The following SLCO1B3 variants were observed in gnomAD, a reference collection of about 807,000 sequenced individuals.
SLCO1B3 encodes solute carrier organic anion transporter family member 1B3.
SLCO1B3 carries 72 observed loss-of-function variants against 71.8 expected under a neutral mutation model. The ratio of observed to expected loss-of-function variants is 1.00; its 90% CI spans 0.83 to 1.22. SLCO1B3 has a LOEUF of 1.22. SLCO1B3 is among the 50% of genes most tolerant of loss of function. The pLI is 0.00. For synonymous variants in SLCO1B3, 298 were observed against 278.4 expected (o/e 1.07, Z -0.70); for missense variants, 911 against 819.7 (o/e 1.11, Z -1.36).
At chr12:20,913,317 T>C (rs552126432) in intron 15 of SLCO1B3, among the ~76,000 whole-genome samples, 1 of 152,332 alleles carries the variant, frequency 6.6e-6, no homozygotes, top group African/African-American at 2.4e-5. Flanking sequence ...CAATTATCTA[T>C]GGTGAAATTG....
chr12:20,900,143 G>T (rs548586967), intron 14 of SLCO1B3, among the ~76,000 whole-genome samples: 10 of 151,958 alleles, frequency 6.6e-5, no homozygotes, highest in Admixed American at 1.3e-4. Context: ...TTTTCTAAGG[G>T]TCGCTGTGAT....
chr12:20,841,878 G>C (rs1009207439), intron 3 of SLCO1B3, among the ~76,000 whole-genome samples: 1 of 117,230 alleles, frequency 8.5e-6, no homozygotes, highest in African/African-American at 2.7e-5. Flanking sequence ...TGAATTGTTG[G>C]ATGTAGTTTT....
intron 3 of SLCO1B3, among the ~76,000 whole-genome samples, chr12:20,821,958 T>C (rs1864320578): frequency 6.8e-6 from 1 of 147,560 alleles, no homozygotes; most frequent in African/African-American, 2.6e-5. Flanking sequence ...GAGATTGAAG[T>C]GTGGTGTCAA....
At chr12:20,882,299 T>C (rs1006554004) in intron 12 of SLCO1B3, among the ~76,000 whole-genome samples, 4 of 152,228 alleles carry the variant, frequency 2.6e-5, no homozygotes, top group African/African-American at 7.2e-5. Context: ...TTGGGTTTCA[T>C]TGGCCAATGT....
intron 13 of SLCO1B3, among the ~76,000 whole-genome samples, chr12:20,896,211 T>TCC (rs372899102): frequency 0.7 from 107,166 of 152,108 alleles, 39,991 homozygotes; most frequent in South Asian, 0.89. Context: ...AACATTCAGC[T>TCC]TTCAAATTTC....
intron 11 of SLCO1B3, among the ~76,000 whole-genome samples, chr12:20,880,127 A>C (rs1865661212): frequency 1.6e-5 from 1 of 62,394 alleles, no homozygotes. Flanking sequence ...TACAAAACAA[A>C]TAAAATCTTT....
chr12:20,906,043 C>T (rs1422893190), intron 15 of SLCO1B3, among the ~76,000 whole-genome samples: 2 of 152,142 alleles, frequency 1.3e-5, no homozygotes, highest in Non-Finnish European at 2.9e-5. Flanking sequence ...CTGGTGAGAA[C>T]TCACTATCAT....
At chr12:20,833,009 G>T (rs539070923) in intron 3 of SLCO1B3, among the ~76,000 whole-genome samples, 1 of 152,282 alleles carries the variant, frequency 6.6e-6, no homozygotes, top group African/African-American at 2.4e-5. Flanking sequence ...ACTAAACTCA[G>T]GGGGTTGGCA....
intron 15 of SLCO1B3, among the ~76,000 whole-genome samples, chr12:20,911,390 C>G (rs1034597934): frequency 6.6e-6 from 1 of 152,018 alleles, no homozygotes; most frequent in Non-Finnish European, 1.5e-5. Context: ...TGAGATGTAT[C>G]GCTCTGTAGT....
chr12:20,882,495 C>T (rs571707899), intron 12 of SLCO1B3, among the ~76,000 whole-genome samples: 44 of 152,236 alleles, frequency 2.9e-4, no homozygotes, highest in African/African-American at 1.0e-3. Context: ...CCTCCACCTC[C>T]TGGGTTCAAG....
rs948487055 is a variant in SLCO1B3 at position 20,880,800 on chromosome 12, C to G, written c.1332-55C>G. On this transcript the variant is annotated intron_variant, in intron 11 of 15. Transcript: ENST00000381545. ...TATCCCCTTGTCTCCCTCTTCTGCT[C>G]TTTCTCTACTTCCTCTTTCTCTTTT... 6 of 1,301,070 alleles carry G rather than the reference C, an allele frequency of 4.6e-6. No homozygotes were observed. The African/African-American group carries it at 7.5e-5, about 16-fold the overall frequency. The allele number at this position is 1,301,070 out of a possible 1,614,324, so 80.6% of individuals were successfully genotyped here.
chr12:20,903,092 A>G (rs75550540), intron 15 of SLCO1B3, among the ~76,000 whole-genome samples: 1,656 of 142,450 alleles, frequency 0.012, 29 homozygotes, highest in African/African-American at 0.038. Flanking sequence ...AAAAAAATCA[A>G]TGCAAACATC....
Position 20,813,615 on chromosome 12 carries a change from T to C in SLCO1B3, c.-89T>C, listed in dbSNP as rs1377622513. 6.6e-6 allele frequency: 1 copy of C among 152,188 alleles called. No individual in the cohort carries two copies. Among genetic ancestry groups the C allele is most frequent in the African/African-American group, 2.4e-5 (1 of 41,448 alleles). The allele number at this position is 152,188 out of a possible 1,614,324, so 9.4% of individuals were successfully genotyped here. A position where few individuals can be genotyped will look rare whatever the true frequency, so the allele number is the denominator to read the frequency against. ...CGTTGTTCCCACCTCCTAGAGGGCC[T>C]GACAGAAGAGGTACATATGCTATGT... is the stretch of plus-strand genomic sequence containing the variant. On this transcript the variant is annotated 5_prime_UTR_variant, in exon 2 of 16. Transcript: ENST00000381545.
At chr12:20,851,164 G>C (rs540304759) in intron 3 of SLCO1B3, among the ~76,000 whole-genome samples, 6 of 152,260 alleles carry the variant, frequency 3.9e-5, no homozygotes, top group African/African-American at 1.4e-4. Flanking sequence ...ATCCCAGTTT[G>C]AATTTCTTTG....
intron 5 of SLCO1B3, among the ~76,000 whole-genome samples, chr12:20,860,599 TTGTGTGTG>T (rs34409706): frequency 1.2e-4 from 18 of 146,734 alleles, no homozygotes; most frequent in South Asian, 1.1e-3. Flanking sequence ...GTCAAGCACT[TTGTGTGTG>T]TGTGTGTGTG....
chr12:20,885,041 GCTT>G (rs1190640071), intron 13 of SLCO1B3, among the ~76,000 whole-genome samples: 1 of 151,942 alleles, frequency 6.6e-6, no homozygotes, highest in Admixed American at 6.6e-5. Context: ...ACATGTTTTA[GCTT>G]CTTAATTGAA....
intron 3 of SLCO1B3, among the ~76,000 whole-genome samples, chr12:20,842,496 C>T (rs1219791510): frequency 1.4e-5 from 1 of 72,246 alleles, no homozygotes; most frequent in Non-Finnish European, 4.4e-5. Flanking sequence ...ATTTATACAG[C>T]TACAAGTTTT....
At chr12:20,828,667 T>TCACA (rs977121804) in intron 3 of SLCO1B3, among the ~76,000 whole-genome samples, 21 of 140,104 alleles carry the variant, frequency 1.5e-4, no homozygotes, top group African/African-American at 4.6e-4. Flanking sequence ...ACACACACAC[T>TCACA]CACACACACA....
chr12:20,876,110 T>G (rs1865573298), intron 9 of SLCO1B3, among the ~76,000 whole-genome samples: 1 of 151,416 alleles, frequency 6.6e-6, no homozygotes, highest in Non-Finnish European at 1.5e-5. Flanking sequence ...TATATACATA[T>G]ATAATCTTAC....
Sources: gnomAD v4.1 joint callset for allele counts (sites outside exome capture counted in the v4.1 genomes callset) on GRCh38, gnomAD v4.1.1 for gene constraint, MANE v1.5 for transcripts, NCBI Gene and HGNC (gene_info 2026-07-23, HGNC 2026-07-21) for gene names.